Variants in SLC16A10 observed in about 807,000 individuals in gnomAD.
SLC16A10 encodes monocarboxylate transporter 10.
A neutral mutation model predicts 40.0 loss-of-function variants in SLC16A10; 27 were observed. That is an observed-to-expected ratio of 0.67 (90% CI 0.50 to 0.93). The LOEUF (loss-of-function observed/expected upper bound fraction) is 0.93. Among genes scored for constraint, SLC16A10 ranks in the 40% least tolerant of loss-of-function variants. The pLI is 0.00. For missense variants in SLC16A10, 529 were observed against 658.2 expected (o/e 0.80, Z 2.15); for synonymous variants, 213 against 249.8 (o/e 0.85, Z 1.39).
chr6:111,183,427 C>T (rs1772840147), intron 3 of SLC16A10, among the ~76,000 whole-genome samples: 1 of 152,208 alleles, frequency 6.6e-6, no homozygotes, highest in African/African-American at 2.4e-5. Flanking sequence ...CTATTTCATT[C>T]AGTGGTAGAT....
At chr6:111,100,513 T>A (rs1171849707) in intron 1 of SLC16A10, among the ~76,000 whole-genome samples, 1 of 151,956 alleles carries the variant, frequency 6.6e-6, no homozygotes, top group Non-Finnish European at 1.5e-5. Flanking sequence ...TTCAGCTTCC[T>A]GAGTAGCTAG....
chr6:111,099,793 C>T (rs1771140898), intron 1 of SLC16A10, among the ~76,000 whole-genome samples: 1 of 151,942 alleles, frequency 6.6e-6, no homozygotes, highest in South Asian at 2.1e-4. Context: ...GAGGCTGAGG[C>T]AGATGAATTG....
At chr6:111,195,265 A>T (rs1019207318) in intron 3 of SLC16A10, among the ~76,000 whole-genome samples, 56 of 152,182 alleles carry the variant, frequency 3.7e-4, no homozygotes, top group African/African-American at 1.3e-3. Context: ...ACACCAAATG[A>T]AATACTCCAG....
At chr6:111,130,190 C>T (rs1340985577) in intron 1 of SLC16A10, among the ~76,000 whole-genome samples, 2 of 152,160 alleles carry the variant, frequency 1.3e-5, no homozygotes, top group Non-Finnish European at 2.9e-5. Flanking sequence ...AAACAAGAGA[C>T]ACATGTTAGT....
chr6:111,212,142 C>T (rs575037451), intron 4 of SLC16A10, among the ~76,000 whole-genome samples: 35 of 152,062 alleles, frequency 2.3e-4, no homozygotes, highest in Non-Finnish European at 4.4e-4. Flanking sequence ...CTGCCGAGCC[C>T]AAGAGCACAG....
chr6:111,114,721 G>A (rs944989082), intron 1 of SLC16A10, among the ~76,000 whole-genome samples: 1 of 152,062 alleles, frequency 6.6e-6, no homozygotes, highest in African/African-American at 2.4e-5. Flanking sequence ...CAGAGGAGGG[G>A]CCTCATCTCT....
chr6:111,135,327 C>G (rs1362522568), intron 1 of SLC16A10, among the ~76,000 whole-genome samples: 1 of 152,172 alleles, frequency 6.6e-6, no homozygotes, highest in Non-Finnish European at 1.5e-5. Flanking sequence ...TGGAGGCCCA[C>G]CAAGGACTCC....
At chr6:111,094,771 G>A (rs985172882) in intron 1 of SLC16A10, among the ~76,000 whole-genome samples, 5 of 151,678 alleles carry the variant, frequency 3.3e-5, no homozygotes, top group Non-Finnish European at 5.9e-5. Context: ...TTGAGTAGCT[G>A]CAACACCAGG....
At position 111,113,506 on chromosome 6, in the gene SLC16A10, T is replaced by G. The variant is rs552613315; in HGVS notation, c.343+25411T>G. On this transcript the variant is annotated intron_variant, in intron 1 of 5. Transcript: ENST00000368851. Reference sequence around the variant, plus strand: ...TTGTTTGTTTTGCCACTTTTAACTCTCAAGCTAAAACTGGGGTTTCATTTG... The same window carrying G: ...TTGTTTGTTTTGCCACTTTTAACTCGCAAGCTAAAACTGGGGTTTCATTTG... Among the ~76,000 whole-genome samples, 6 of 152,338 alleles carry G rather than the reference T, an allele frequency of 3.9e-5. No individual in the cohort carries two copies. In the East Asian group the frequency reaches 1.2e-3, roughly 29 times the overall value.
Position 111,172,554 on chromosome 6 carries a change from A to G in SLC16A10, c.344-141A>G, listed in dbSNP as rs988688820. 5.4e-6 allele frequency: 5 copies of G among 931,912 alleles called. No homozygotes were observed. In the Admixed American group the frequency reaches 9.4e-5, roughly 18 times the overall value. The allele number at this position is 931,912 out of a possible 1,614,324, so 57.7% of individuals were successfully genotyped here. On this transcript the variant is annotated intron_variant, in intron 1 of 5. Coordinates refer to ENST00000368851, the MANE Select transcript of SLC16A10 (RefSeq NM_018593.5). ...TCTACTAGTGTATGAGTCAATTTCC[A>G]TGGCAAAAGAACTAAGCTTAGGCAC...
chr6:111,206,471 A>T (rs1773256717), intron 3 of SLC16A10, 121 bp from the exon 4 acceptor site: 2 of 989,142 alleles, frequency 2.0e-6, no homozygotes, highest in South Asian at 3.1e-5. Flanking sequence ...TAAATATTGA[A>T]ATTTGGAAAA....
At chr6:111,089,915 T>G (rs1265181290) in intron 1 of SLC16A10, among the ~76,000 whole-genome samples, 1 of 97,020 alleles carries the variant, frequency 1.0e-5, no homozygotes, top group African/African-American at 4.6e-5. Flanking sequence ...TGGGTTTTTT[T>G]TTTTTTTTTT....
intron 1 of SLC16A10, among the ~76,000 whole-genome samples, chr6:111,101,350 A>T (rs1771185227): frequency 6.6e-6 from 1 of 151,956 alleles, no homozygotes; most frequent in South Asian, 2.1e-4. Context: ...TTTGAATTGT[A>T]AAAAAGTAAC....
Position 111,087,707 on chromosome 6 carries a change from C to T in SLC16A10, c.-46C>T. On this transcript the variant is annotated 5_prime_UTR_variant, in exon 1 of 6. Transcript: ENST00000368851. ...CTCCTCCGGGAGCCCGCTGGTAACTCGCGTCCCTCGCGCTTCTCCGGCGCC... is the reference window on the plus strand; with the variant it reads ...CTCCTCCGGGAGCCCGCTGGTAACTTGCGTCCCTCGCGCTTCTCCGGCGCC... 9.2e-7 allele frequency: 1 copy of T among 1,082,890 alleles called. No homozygotes were observed. The highest frequency in any genetic ancestry group is 3.6e-5 in the East Asian group (1 of 28,030). The allele number at this position is 1,082,890 out of a possible 1,614,324, so 67.1% of individuals were successfully genotyped here.
At chr6:111,129,984 T>G (rs1235005764) in intron 1 of SLC16A10, among the ~76,000 whole-genome samples, 1 of 152,178 alleles carries the variant, frequency 6.6e-6, no homozygotes, top group African/African-American at 2.4e-5. Context: ...AGAAAATAAT[T>G]TATACAACTA....
rs1027729467 is a variant in SLC16A10, at chr6:111,222,525, G to T, written c.*290G>T. 5.1e-5 allele frequency: 16 copies of T among 311,844 alleles called. No individual in the cohort carries two copies. The highest frequency in any genetic ancestry group is 8.2e-5 in the Non-Finnish European group (14 of 171,456). The allele number at this position is 311,844 out of a possible 1,614,324, so 19.3% of individuals were successfully genotyped here. ...AAAAGCAGCTTTGGAAACTGTGAAT[G>T]ATCTTTAGCTTGTACAAATGTTTAA... On this transcript the variant is annotated 3_prime_UTR_variant, in exon 6 of 6. Coordinates refer to ENST00000368851, the MANE Select transcript of SLC16A10 (RefSeq NM_018593.5).
intron 2 of SLC16A10, 138 bp downstream of exon 2, chr6:111,172,977 C>G: frequency 9.1e-7 from 1 of 1,103,590 alleles, no homozygotes; most frequent in Non-Finnish European, 1.3e-6. Context: ...ACTTATAAAA[C>G]AAACTGTTAT....
chr6:111,150,290 C>G (rs945961604), intron 1 of SLC16A10, among the ~76,000 whole-genome samples: 22 of 152,226 alleles, frequency 1.4e-4, no homozygotes, highest in African/African-American at 4.8e-4. Flanking sequence ...ACACTGGCTC[C>G]TTGATCTTGG....
chr6:111,105,552 G>C (rs1046769816), intron 1 of SLC16A10, among the ~76,000 whole-genome samples: 1 of 152,176 alleles, frequency 6.6e-6, no homozygotes, highest in African/African-American at 2.4e-5. Flanking sequence ...CTTTCTGGCT[G>C]GGAAGGGAGT....
Sources: allele counts gnomAD v4.1 joint callset (sites outside exome capture counted in the v4.1 genomes callset), GRCh38; gene constraint gnomAD v4.1.1; transcripts MANE v1.5; gene names NCBI Gene and HGNC (gene_info 2026-07-23, HGNC 2026-07-21).